Variants in ATP6V1G3 observed in about 807,000 individuals in gnomAD.
ATP6V1G3 encodes ATPase H+ transporting V1 subunit G3, also known as V-type proton ATPase subunit G 3.
Under a neutral mutation model 9.3 loss-of-function variants are expected in ATP6V1G3, and 9 were observed. That is an observed-to-expected ratio of 0.97 (90% CI 0.59 to 1.69). The LOEUF is 1.69. ATP6V1G3 is among the 40% of genes most tolerant of loss of function. The probability of loss-of-function intolerance (pLI) is 0.00; values close to 1 mark genes in which losing one functional copy is unlikely to be tolerated. For missense variants in ATP6V1G3, 133 were observed against 139.0 expected, an observed-to-expected ratio of 0.96 and a Z score of 0.22; for synonymous variants, 43 against 43.8, an observed-to-expected ratio of 0.98 and a Z score of 0.07.
chr1:198,530,004 G>T (rs750100256), intron 1 of ATP6V1G3, among the ~76,000 whole-genome samples: 23 of 151,948 alleles, frequency 1.5e-4, no homozygotes, highest in Non-Finnish European at 3.1e-4. Flanking sequence ...AGTAAGTTTG[G>T]GGGGGGTTAC....
chr1:198,537,626 G>A (rs1243872086), intron 1 of ATP6V1G3, among the ~76,000 whole-genome samples: 1 of 152,062 alleles, frequency 6.6e-6, no homozygotes, highest in Non-Finnish European at 1.5e-5. Context: ...ATGAATCTTT[G>A]TATGAAAAAA....
chr1:198,526,834 C>T (rs560006129), intron 2 of ATP6V1G3, among the ~76,000 whole-genome samples: 2 of 152,180 alleles, frequency 1.3e-5, no homozygotes, highest in Admixed American at 1.3e-4. Flanking sequence ...AGGTTTTCTA[C>T]TTAGATTCAT....
rs1444081093 is a variant in ATP6V1G3, at chr1:198,529,193, CAA to C, written c.83-14_83-13del. On this transcript the variant is annotated splice_polypyrimidine_tract_variant and intron_variant, in intron 1 of 2. Coordinates refer to ENST00000367382, the MANE Select transcript of ATP6V1G3 (RefSeq NM_001376861.1). ...TCGCTTTCCTTTTCCTGAAAATTAA[CAA>C]ATATATATATATATATATATAATTA... 6.0e-6 allele frequency: 4 copies of C among 669,810 alleles called. No homozygotes were observed. The highest frequency in any genetic ancestry group is 6.4e-6 in the Non-Finnish European group (3 of 465,370). The allele number at this position is 669,810 out of a possible 1,614,324, so 41.5% of individuals were successfully genotyped here.
In ATP6V1G3 at chr1:198,538,891, C is replaced by CAAAAAA. The variant is rs71569596; in HGVS notation, c.82+1672_82+1677dup. On this transcript the variant is annotated intron_variant, in intron 1 of 2. Coordinates refer to ENST00000367382, the MANE Select transcript of ATP6V1G3 (RefSeq NM_001376861.1). Reference sequence around the variant, plus strand: ...CTGGGAACAGAAGCAGACCCTGTCTCAAAAAAAAAAAAAAAGAAGAAGAAG... The same window carrying CAAAAAA: ...CTGGGAACAGAAGCAGACCCTGTCTCAAAAAAAAAAAAAAAAAAAAAGAAGAAGAAG... Among the ~76,000 whole-genome samples, 192 of 97,358 alleles carry CAAAAAA rather than the reference C, an allele frequency of 2.0e-3. 7 individuals carry two copies. The highest frequency in any genetic ancestry group is 8.0e-3 in the African/African-American group (183 of 22,770). The allele number at this position is 97,358 out of a possible 152,430, so 63.9% of individuals were successfully genotyped here.
chr1:198,526,502 A>G (rs1659657848), intron 2 of ATP6V1G3, among the ~76,000 whole-genome samples: 1 of 152,148 alleles, frequency 6.6e-6, no homozygotes, highest in South Asian at 2.1e-4. Flanking sequence ...ACATGTCATG[A>G]TACATTTGGT....
chr1:198,538,151 C>T (rs16843271), intron 1 of ATP6V1G3, among the ~76,000 whole-genome samples: 12,918 of 151,928 alleles, frequency 0.085, 676 homozygotes, highest in African/African-American at 0.14. Context: ...GTTGAATATC[C>T]CCTTGAATAT....
At position 198,529,197 on chromosome 1, in the gene ATP6V1G3, T is replaced by C. The variant is rs753285195; in HGVS notation, c.83-16A>G. 9.1e-6 allele frequency: 2 copies of C among 219,226 alleles called. No individual in the cohort carries two copies. Among genetic ancestry groups the C allele is most frequent in the Non-Finnish European group, 1.4e-5 (2 of 141,830 alleles). 13.6% of individuals were successfully genotyped at this position (219,226 alleles called of 1,614,324 possible). On this transcript the variant is annotated splice_polypyrimidine_tract_variant and intron_variant, in intron 1 of 2. Transcript: ENST00000367382. ...TTTCCTTTTCCTGAAAATTAACAAA[T>C]ATATATATATATATATATAATTATA...
chr1:198,530,139 ATC>A (rs1286321803), intron 1 of ATP6V1G3, among the ~76,000 whole-genome samples: 1 of 152,104 alleles, frequency 6.6e-6, no homozygotes, highest in Admixed American at 6.6e-5. Context: ...TTTTCTATGA[ATC>A]TATTGTCTTT....
intron 1 of ATP6V1G3, among the ~76,000 whole-genome samples, chr1:198,535,652 G>A (rs1660080732): frequency 1.3e-5 from 2 of 152,050 alleles, no homozygotes; most frequent in Admixed American, 6.6e-5. Flanking sequence ...AATTTCTTGA[G>A]CACCTTCTAT....
In ATP6V1G3 at chr1:198,523,565, C is replaced by T. The variant is rs2103128348; in HGVS notation, c.184-1G>A. 1 of 1,609,774 alleles carries T rather than the reference C, an allele frequency of 6.2e-7. No homozygotes were observed. Among genetic ancestry groups the T allele is most frequent in the Non-Finnish European group, 8.5e-7 (1 of 1,178,482 alleles). On this transcript the variant is annotated splice_acceptor_variant, in intron 2 of 2. Coordinates refer to ENST00000367382, the MANE Select transcript of ATP6V1G3 (RefSeq NM_001376861.1). LOFTEE classifies it high-confidence loss of function. ...AGAGATTATTCTGAGAGCCCATTAT[C>T]TACCAAAACAAAACAGACAGAATTC...
At chr1:198,538,794 T>C (rs1447456730) in intron 1 of ATP6V1G3, among the ~76,000 whole-genome samples, 2 of 150,100 alleles carry the variant, frequency 1.3e-5, no homozygotes, top group Non-Finnish European at 2.9e-5. Context: ...TCCCAGCTAC[T>C]CTAGAGGCTG....
At position 198,536,123 on chromosome 1, in the gene ATP6V1G3, A is replaced by G. The variant is rs1571720119; in HGVS notation, c.82+4446T>C. Among the ~76,000 whole-genome samples the G allele has an allele frequency of 2.0e-5, 3 of 152,298 alleles. No individual in the cohort carries two copies. In the East Asian group the frequency reaches 5.8e-4, roughly 29 times the overall value. ...ATTGAGTGTTTATTTCTAGGAGAGT[A>G]TGCCATGTATGTTCAGAAATGATTT... On this transcript the variant is annotated intron_variant, in intron 1 of 2. Coordinates refer to ENST00000367382, the MANE Select transcript of ATP6V1G3 (RefSeq NM_001376861.1).
At position 198,524,233 on chromosome 1, in the gene ATP6V1G3, T is replaced by G. The variant is rs374189318; in HGVS notation, c.184-669A>C. 1.1e-4 allele frequency among the ~76,000 whole-genome samples: 17 copies of G among 151,698 alleles called. No homozygotes were observed. In the South Asian group the frequency reaches 3.5e-3, roughly 32 times the overall value. The stretch of plus-strand genomic sequence containing the variant: ...TTCGCCTCCCAGGTTCAAGCGATTC[T>G]CCCACCTCAGCCTCACAAGTAGCTG... On this transcript the variant is annotated intron_variant, in intron 2 of 2. Coordinates refer to ENST00000367382, the MANE Select transcript of ATP6V1G3 (RefSeq NM_001376861.1).
rs1404428212 is a variant in ATP6V1G3 at position 198,529,214 on chromosome 1, AT to A, written c.83-34del. The A allele has an allele frequency of 2.2e-5, 9 of 417,420 alleles. No individual in the cohort carries two copies. The East Asian group carries it at 3.1e-4, about 14-fold the overall frequency. The allele number at this position is 417,420 out of a possible 1,614,324, so 25.9% of individuals were successfully genotyped here. On this transcript the variant is annotated intron_variant, in intron 1 of 2. Coordinates refer to ENST00000367382, the MANE Select transcript of ATP6V1G3 (RefSeq NM_001376861.1). Reference sequence around the variant, plus strand: ...TTAACAAATATATATATATATATATATAATTATATATATCAATATATAAATA... The same window carrying A: ...TTAACAAATATATATATATATATATAAATTATATATATCAATATATAAATA...
chr1:198,539,706 G>A (rs1474079384), intron 1 of ATP6V1G3, among the ~76,000 whole-genome samples: 1 of 152,172 alleles, frequency 6.6e-6, no homozygotes, highest in Non-Finnish European at 1.5e-5. Context: ...TGCTTTTTCA[G>A]TAAAGGTTGT....
chr1:198,540,497 A>G, intron 1 of ATP6V1G3, 72 bp downstream of exon 1: 1 of 1,516,076 alleles, frequency 6.6e-7, no homozygotes, highest in Admixed American at 1.7e-5. Context: ...GCCTAATCCA[A>G]AAGTCTATGC....
intron 2 of ATP6V1G3, among the ~76,000 whole-genome samples, chr1:198,524,837 G>A (rs1448256636): frequency 6.6e-6 from 1 of 152,174 alleles, no homozygotes; most frequent in South Asian, 2.1e-4. Context: ...AGAGTGTTTA[G>A]GAAAAGTATG....
In ATP6V1G3 at chr1:198,529,081, CT is replaced by C; in HGVS notation, c.182del (p.Lys61ArgfsTer2). The C allele has an allele frequency of 6.9e-7, 1 of 1,453,832 alleles. No individual in the cohort carries two copies. Among genetic ancestry groups the C allele is most frequent in the Admixed American group, 1.8e-5 (1 of 54,568 alleles). The allele number at this position is 1,453,832 out of a possible 1,614,324, so 90.1% of individuals were successfully genotyped here. On this transcript the variant is annotated frameshift_variant and splice_region_variant, in exon 2 of 3. Transcript: ENST00000367382. LOFTEE classifies it low-confidence loss of function (END_TRUNC). ...AAACAGTGCTGACTTTCTTACTCAC[CT>C]TAGATTGTTTTAGTCGAAACTCTTT... The part of the protein sequence containing the change: ...RDKEFRLKQS[K>X]IMGSQNNLSD...
chr1:198,532,644 AG>A (rs1181527563), intron 1 of ATP6V1G3, among the ~76,000 whole-genome samples: 1 of 152,208 alleles, frequency 6.6e-6, no homozygotes, highest in Non-Finnish European at 1.5e-5. Context: ...TAGACAGATC[AG>A]GCCTCTCAGA....
Sources: allele counts gnomAD v4.1 joint callset (sites outside exome capture counted in the v4.1 genomes callset), GRCh38; gene constraint gnomAD v4.1.1; transcripts MANE v1.5; gene names NCBI Gene and HGNC (gene_info 2026-07-23, HGNC 2026-07-21).